The following LIN7A variants were observed in gnomAD, a reference collection of about 807,000 sequenced individuals.
LIN7A encodes protein lin-7 homolog A.
LIN7A carries 25 observed loss-of-function variants against 29.8 expected under a neutral mutation model. That is an observed-to-expected ratio of 0.84 (90% CI 0.61 to 1.17). The LOEUF is 1.17. Ranked by LOEUF, LIN7A falls within the 50% of genes most tolerant of loss-of-function variation. LIN7A has a pLI of 0.00. For synonymous variants in LIN7A, 118 were observed against 107.5 expected, an observed-to-expected ratio of 1.10 and a Z score of -0.60; for missense variants, 239 against 287.0, an observed-to-expected ratio of 0.83 and a Z score of 1.21.
intron 2 of LIN7A, among the ~76,000 whole-genome samples, chr12:80,851,274 C>T (rs1873317504): frequency 6.6e-6 from 1 of 151,790 alleles, no homozygotes; most frequent in Admixed American, 6.6e-5. Context: ...TTCATTAGTC[C>T]ACAGTGAAAT....
chr12:80,894,157 GTTTA>G (rs1875765569), intron 1 of LIN7A, among the ~76,000 whole-genome samples: 1 of 152,188 alleles, frequency 6.6e-6, no homozygotes, highest in Non-Finnish European at 1.5e-5. Flanking sequence ...AGTGTGTGTA[GTTTA>G]TTTATAACAG....
intron 4 of LIN7A, among the ~76,000 whole-genome samples, chr12:80,833,926 T>A (rs1319855156): frequency 6.6e-6 from 1 of 152,196 alleles, no homozygotes; most frequent in Non-Finnish European, 1.5e-5. Context: ...GCATTTCTCC[T>A]CTAGATTGCC....
At chr12:80,871,305 A>G (rs542747058) in intron 2 of LIN7A, among the ~76,000 whole-genome samples, 6 of 152,338 alleles carry the variant, frequency 3.9e-5, no homozygotes, top group African/African-American at 1.4e-4. Context: ...AACACACAAC[A>G]TATACTGAGT....
chr12:80,920,481 G>A (rs2120869061), intron 1 of LIN7A, among the ~76,000 whole-genome samples: 1 of 152,238 alleles, frequency 6.6e-6, no homozygotes, highest in Non-Finnish European at 1.5e-5. Context: ...TATTAAGGAA[G>A]ACTGTGTTAA....
At chr12:80,900,509 T>C (rs1465767408) in intron 1 of LIN7A, among the ~76,000 whole-genome samples, 1 of 152,250 alleles carries the variant, frequency 6.6e-6, no homozygotes, top group Non-Finnish European at 1.5e-5. Flanking sequence ...TCTGCCTTAA[T>C]TTCATAGTTT....
intron 2 of LIN7A, among the ~76,000 whole-genome samples, chr12:80,859,604 T>G (rs1414885874): frequency 6.6e-6 from 1 of 152,162 alleles, no homozygotes; most frequent in Non-Finnish European, 1.5e-5. Context: ...TTAATCATAT[T>G]GAACCTATTG....
chr12:80,801,182 A>T (rs557805908), intron 5 of LIN7A, among the ~76,000 whole-genome samples: 1 of 152,186 alleles, frequency 6.6e-6, no homozygotes. Flanking sequence ...TTTATTCTTT[A>T]TACTTCTCTA....
Position 80,932,827 on chromosome 12 carries a change from A to T in LIN7A, c.82+4814T>A, listed in dbSNP as rs115444235. Reference sequence around the variant, plus strand: ...CTGAAGCATTTCTATGTTCTTTAATATCCACGTGTTAAGTATTAAGGATTG... The same window carrying T: ...CTGAAGCATTTCTATGTTCTTTAATTTCCACGTGTTAAGTATTAAGGATTG... On this transcript the variant is annotated intron_variant, in intron 1 of 5. Transcript: ENST00000552864. Among the ~76,000 whole-genome samples the T allele has an allele frequency of 5.2e-3, 793 of 152,328 alleles. 5 individuals are homozygous for T. The highest frequency in any genetic ancestry group is 0.018 in the African/African-American group (756 of 41,580).
At chr12:80,849,248 T>C (rs1390612176) in intron 2 of LIN7A, among the ~76,000 whole-genome samples, 1 of 152,194 alleles carries the variant, frequency 6.6e-6, no homozygotes, top group Admixed American at 6.5e-5. Context: ...GAATCTGAGA[T>C]ATGTTACTGC....
intron 2 of LIN7A, among the ~76,000 whole-genome samples, chr12:80,868,152 G>C (rs1047160673): frequency 6.6e-6 from 1 of 152,164 alleles, no homozygotes; most frequent in African/African-American, 2.4e-5. Context: ...CCTCCCGCAA[G>C]AGTGTAATAA....
chr12:80,859,160 G>A (rs536925025), intron 2 of LIN7A, among the ~76,000 whole-genome samples: 3 of 152,216 alleles, frequency 2.0e-5, no homozygotes, highest in African/African-American at 4.8e-5. Context: ...TTGACACACC[G>A]TTAATACTGC....
intron 4 of LIN7A, chr12:80,832,696 T>C: frequency 2.3e-6 from 1 of 433,614 alleles, no homozygotes; most frequent in South Asian, 1.7e-5. Context: ...GCTACAAACA[T>C]GTTGATGCTA....
intron 4 of LIN7A, among the ~76,000 whole-genome samples, chr12:80,818,412 A>G (rs1383950255): frequency 6.6e-6 from 1 of 152,214 alleles, no homozygotes; most frequent in East Asian, 1.9e-4. Flanking sequence ...CTTGCAACAT[A>G]TCTGTTAAAA....
chr12:80,907,012 G>A (rs1013141405), intron 1 of LIN7A, among the ~76,000 whole-genome samples: 5 of 144,042 alleles, frequency 3.5e-5, no homozygotes, highest in African/African-American at 5.8e-5. Context: ...TTTATTTTCA[G>A]TGAAACAATG....
intron 3 of LIN7A, among the ~76,000 whole-genome samples, chr12:80,847,305 A>T (rs2121549068): frequency 6.6e-6 from 1 of 152,294 alleles, no homozygotes. Flanking sequence ...TGTGTGTTCC[A>T]CTTCAGTACA....
At chr12:80,843,215 A>C (rs1872903642) in intron 4 of LIN7A, among the ~76,000 whole-genome samples, 1 of 152,168 alleles carries the variant, frequency 6.6e-6, no homozygotes. Flanking sequence ...CCTTTGCATG[A>C]AGAGGATATA....
chr12:80,869,096 A>T (rs944210487), intron 2 of LIN7A, among the ~76,000 whole-genome samples: 4 of 151,762 alleles, frequency 2.6e-5, no homozygotes, highest in African/African-American at 9.7e-5. Flanking sequence ...AGGTGGAGAA[A>T]GGGCATTGGC....
chr12:80,933,209 A>G (rs1261239668), intron 1 of LIN7A, among the ~76,000 whole-genome samples: 1 of 152,226 alleles, frequency 6.6e-6, no homozygotes, highest in African/African-American at 2.4e-5. Flanking sequence ...GCCTTGTAAT[A>G]CAAAGAAGCA....
chr12:80,847,283 A>T (rs1873121920), intron 3 of LIN7A, among the ~76,000 whole-genome samples: 1 of 152,200 alleles, frequency 6.6e-6, no homozygotes. Flanking sequence ...CCACGTAGGG[A>T]TCATTTTTCT....
Sources: gnomAD v4.1 joint callset for allele counts (sites outside exome capture counted in the v4.1 genomes callset) on GRCh38, gnomAD v4.1.1 for gene constraint, MANE v1.5 for transcripts, NCBI Gene and HGNC (gene_info 2026-07-23, HGNC 2026-07-21) for gene names.